FILIP1: variants seen among roughly 807,000 people sequenced by gnomAD.
FILIP1 encodes the protein filamin-A-interacting protein 1.
In FILIP1, 61 loss-of-function variants were observed where a neutral mutation model predicts 102.1. That is an observed-to-expected ratio of 0.60 (90% CI 0.49 to 0.74). FILIP1 has a LOEUF of 0.74. Ranked by LOEUF, FILIP1 falls within the 30% of genes least tolerant of loss-of-function variation. The pLI is 0.00. For synonymous variants in FILIP1, 491 were observed against 526.9 expected (o/e 0.93, Z 0.93); for missense variants, 1,314 against 1,441.2 (o/e 0.91, Z 1.43).
intron 2 of FILIP1, among the ~76,000 whole-genome samples, chr6:75,394,658 T>C (rs994691728): frequency 2.6e-5 from 4 of 152,070 alleles, no homozygotes; most frequent in African/African-American, 7.2e-5. Flanking sequence ...GCAATACAAA[T>C]GTCTCTAACA....
Position 75,313,770 on chromosome 6 carries a change from T to G in FILIP1, c.2062A>C (p.Ile688Leu). The change falls in exon 5 of 6, where the codon ATT becomes CTT. Residue 688 changes from isoleucine to leucine, a missense_variant. By Grantham distance (5) the Ile-to-Leu change is conservative. Around this residue, in one of 3 missense-constraint regions of FILIP1, gnomAD observed 816 missense variants for 913.1 expected, o/e 0.89. Coordinates refer to ENST00000237172, the MANE Select transcript of FILIP1 (RefSeq NM_015687.5). The surrounding 1 kb of genome is among the most constrained non-coding windows in gnomAD (Gnocchi z 4.2). ...TTCTCTATTGCTTTATTCTTGGCAA[T>G]TTGGTGCTTGATCTCCTCTAGTTGT... ...SQQLEEIKHQ[I>L]AKNKAIEKGE... is the part of the protein sequence containing the mutation. 3.1e-6 allele frequency: 5 copies of G among 1,599,404 alleles called. No individual in the cohort carries two copies. The highest frequency in any genetic ancestry group is 3.4e-6 in the Non-Finnish European group (4 of 1,174,938).
intron 2 of FILIP1, among the ~76,000 whole-genome samples, chr6:75,397,529 A>T (rs1776503622): frequency 6.9e-6 from 1 of 145,918 alleles, no homozygotes; most frequent in Non-Finnish European, 1.5e-5. Context: ...TAACATATAC[A>T]CATATAAGAC....
intron 2 of FILIP1, among the ~76,000 whole-genome samples, chr6:75,378,849 C>T (rs1163879114): frequency 6.6e-6 from 1 of 151,998 alleles, no homozygotes; most frequent in African/African-American, 2.4e-5. Flanking sequence ...GCAGCATGTC[C>T]CTGTCTACCC....
intron 1 of FILIP1, among the ~76,000 whole-genome samples, chr6:75,440,607 A>G (rs927035853): frequency 2.0e-5 from 3 of 152,142 alleles, no homozygotes; most frequent in Admixed American, 2.0e-4. Context: ...CTCACTGGGA[A>G]ATGCCCCCAC....
At chr6:75,323,067 G>T (rs1406666061) in intron 4 of FILIP1, among the ~76,000 whole-genome samples, 1 of 152,146 alleles carries the variant, frequency 6.6e-6, no homozygotes, top group Admixed American at 6.5e-5. Flanking sequence ...TCAACTAGAA[G>T]ACTTTAAAAG....
intron 2 of FILIP1, among the ~76,000 whole-genome samples, chr6:75,373,919 C>T (rs1053393778): frequency 4.6e-5 from 7 of 152,114 alleles, no homozygotes; most frequent in East Asian, 3.9e-4. Context: ...TGAGAAGGGA[C>T]GATCACTTGA....
At chr6:75,469,644 A>G (rs1364783253) in intron 1 of FILIP1, among the ~76,000 whole-genome samples, 1 of 152,138 alleles carries the variant, frequency 6.6e-6, no homozygotes, top group East Asian at 1.9e-4. Flanking sequence ...CAAATCTCAC[A>G]TAGATGCAAA....
exon 7 of FILIP1, chr6:75,295,805 A>G (rs1772651229): frequency 1.5e-6 from 1 of 645,404 alleles, no homozygotes; most frequent in Non-Finnish European, 2.2e-6. Flanking sequence ...AAATATTTCC[A>G]GTAGTGATCA....
chr6:75,396,214 A>AAGTGGTGAGC (rs1187815806), intron 2 of FILIP1, among the ~76,000 whole-genome samples: 2 of 151,740 alleles, frequency 1.3e-5, no homozygotes, highest in Admixed American at 6.6e-5. Flanking sequence ...GATAAGGCTG[A>AAGTGGTGAGC]AGTGGTGAGC....
rs1046337978 is a variant in FILIP1, at chr6:75,414,773, C to G, written c.200G>C (p.Arg67Pro). 8 of 1,613,676 alleles carry G rather than the reference C, an allele frequency of 5.0e-6. No homozygotes were observed. The African/African-American group carries it at 6.7e-5, about 13-fold the overall frequency. ...RHLKTSGECE[R>P]KTKKSLELSK... ...TAACTCCAGGGATTTCTTAGTTTTTCGTTCACATTCTCCAGATGTTTTTAG... is the reference window on the plus strand; with the variant it reads ...TAACTCCAGGGATTTCTTAGTTTTTGGTTCACATTCTCCAGATGTTTTTAG... The change falls in exon 2 of 6, where the codon CGA becomes CCA. Residue 67 changes from arginine to proline, a missense_variant. By Grantham distance (103) the Arg-to-Pro change is moderately radical (BLOSUM62 -2). Around this residue, in one of 3 missense-constraint regions of FILIP1, gnomAD observed 494 missense variants for 511.2 expected, o/e 0.97. Coordinates refer to ENST00000237172, the MANE Select transcript of FILIP1 (RefSeq NM_015687.5).
At chr6:75,361,268 C>T (rs536352520) in intron 3 of FILIP1, among the ~76,000 whole-genome samples, 10 of 152,264 alleles carry the variant, frequency 6.6e-5, no homozygotes, top group African/African-American at 2.4e-4. Flanking sequence ...TCAGAAACTC[C>T]CCTCTCTGTG....
At chr6:75,293,314 T>C (rs1772586462) in exon 7 of FILIP1, 1 of 152,220 alleles carries the variant, frequency 6.6e-6, no homozygotes, top group African/African-American at 2.4e-5. Context: ...GTGCCAGGAT[T>C]GCCTGTGAGG....
chr6:75,291,869 T>A (rs1772556327), exon 7 of FILIP1: 1 of 152,240 alleles, frequency 6.6e-6, no homozygotes, highest in African/African-American at 2.4e-5. Flanking sequence ...TCATTTTAAA[T>A]GATTTTAATT....
At chr6:75,473,064 G>C (rs1215497627) in intron 1 of FILIP1, among the ~76,000 whole-genome samples, 1 of 152,126 alleles carries the variant, frequency 6.6e-6, no homozygotes, top group Non-Finnish European at 1.5e-5. Flanking sequence ...GTAGAGCAAA[G>C]ACTTTTTCAG....
At chr6:75,358,978 G>A (rs1316041756) in intron 3 of FILIP1, among the ~76,000 whole-genome samples, 1 of 149,612 alleles carries the variant, frequency 6.7e-6, no homozygotes, top group Non-Finnish European at 1.5e-5. Context: ...AAAGTGCTGG[G>A]ATTACAGGCG....
chr6:75,431,916 A>T (rs1777836352), intron 1 of FILIP1, among the ~76,000 whole-genome samples: 1 of 152,240 alleles, frequency 6.6e-6, no homozygotes, highest in Non-Finnish European at 1.5e-5. Flanking sequence ...ACCCTATGCA[A>T]AAGATAGTGA....
chr6:75,411,386 T>C lies in FILIP1; in HGVS notation c.276+3311A>G, dbSNP rs146249605. Among the ~76,000 whole-genome samples the C allele has an allele frequency of 2.9e-3, 440 of 152,328 alleles. 5 individuals are homozygous for C. The highest frequency in any genetic ancestry group is 0.018 in the East Asian group (94 of 5,182). ...GTAGGTTGCCTGTTCATGCTGATGA[T>C]AGTTTCTTTTGCTGTGCAGAAGCTC... On this transcript the variant is annotated intron_variant, in intron 2 of 5. Transcript: ENST00000237172.
At chr6:75,448,261 C>G (rs1778505740) in intron 1 of FILIP1, among the ~76,000 whole-genome samples, 1 of 152,130 alleles carries the variant, frequency 6.6e-6, no homozygotes, top group Non-Finnish European at 1.5e-5. Context: ...AATACATTCT[C>G]AGAAGCCTTC....
At chr6:75,346,638 G>A (rs538180510) in intron 4 of FILIP1, among the ~76,000 whole-genome samples, 78 of 152,104 alleles carry the variant, frequency 5.1e-4, no homozygotes, top group Non-Finnish European at 8.5e-4. Context: ...TCCCAACCCC[G>A]GGAAGCTACC....
Sources: gnomAD v4.1 joint callset for allele counts (sites outside exome capture counted in the v4.1 genomes callset) on GRCh38, gnomAD v4.1.1 for gene constraint, gnomAD v4.1.1 regional missense constraint, Gnocchi (gnomAD v3.1) non-coding constraint, MANE v1.5 for transcripts, NCBI Gene and HGNC (gene_info 2026-07-23, HGNC 2026-07-21) for gene names.